KCNK2: variants seen among roughly 807,000 people sequenced by gnomAD.
The protein encoded by KCNK2 is potassium two pore domain channel subfamily K member 2, also known as potassium channel subfamily K member 2.
Under a neutral mutation model 40.5 loss-of-function variants are expected in KCNK2, and 21 were observed. The ratio of observed to expected loss-of-function variants is 0.52; its 90% CI spans 0.37 to 0.75. The LOEUF is 0.75. KCNK2 is among the 30% of genes least tolerant of loss of function. The pLI is 0.00. For missense variants in KCNK2, 399 were observed against 531.6 expected, an observed-to-expected ratio of 0.75 and a Z score of 2.45; for synonymous variants, 191 against 202.2, an observed-to-expected ratio of 0.94 and a Z score of 0.47.
intron 5 of KCNK2, among the ~76,000 whole-genome samples, chr1:215,189,348 C>T (rs1664571553): frequency 6.6e-6 from 1 of 152,138 alleles, no homozygotes; most frequent in African/African-American, 2.4e-5. Flanking sequence ...AATTGTACTA[C>T]ATTCCGTGAA....
At chr1:215,223,851 T>C (rs1400677571) in intron 6 of KCNK2, among the ~76,000 whole-genome samples, 1 of 151,926 alleles carries the variant, frequency 6.6e-6, no homozygotes, top group Non-Finnish European at 1.5e-5. Flanking sequence ...ATTTCAAAGC[T>C]CACAGGTAGT....
intron 1 of KCNK2, among the ~76,000 whole-genome samples, chr1:215,047,928 T>G (rs538435117): frequency 6.6e-6 from 1 of 152,216 alleles, no homozygotes; most frequent in Non-Finnish European, 1.5e-5. Flanking sequence ...AGTCAATGTG[T>G]GTAGATGAAA....
intron 3 of KCNK2, among the ~76,000 whole-genome samples, chr1:215,156,496 A>G (rs1662933254): frequency 6.6e-6 from 1 of 152,180 alleles, no homozygotes; most frequent in Non-Finnish European, 1.5e-5. Flanking sequence ...TTGACTCTGT[A>G]ATGTGTTGGT....
intron 1 of KCNK2, among the ~76,000 whole-genome samples, chr1:215,015,693 T>G (rs1020820251): frequency 6.6e-6 from 1 of 152,158 alleles, no homozygotes; most frequent in African/African-American, 2.4e-5. Context: ...CACTTGTAGA[T>G]TCTTTGTTGT....
chr1:215,172,211 T>A, intron 5 of KCNK2, 28 bp downstream of exon 5: 2 of 1,578,842 alleles, frequency 1.3e-6, no homozygotes, highest in Non-Finnish European at 1.7e-6. Flanking sequence ...TCCATGTTAC[T>A]CTTCTAACAG....
chr1:215,010,685 A>G (rs1305285105), intron 1 of KCNK2, among the ~76,000 whole-genome samples: 1 of 152,164 alleles, frequency 6.6e-6, no homozygotes, highest in East Asian at 1.9e-4. Flanking sequence ...TGCAATGTGT[A>G]AAAAGCAACC....
intron 1 of KCNK2, among the ~76,000 whole-genome samples, chr1:215,085,873 C>T (rs563146044): frequency 1.4e-4 from 22 of 152,228 alleles, no homozygotes; most frequent in Non-Finnish European, 4.4e-5. Context: ...TAATGCAATT[C>T]ATTTATTGTA....
At chr1:215,064,388 A>C (rs1238373612) in intron 1 of KCNK2, among the ~76,000 whole-genome samples, 1 of 151,990 alleles carries the variant, frequency 6.6e-6, no homozygotes, top group African/African-American at 2.4e-5. Context: ...ATCCAACCAA[A>C]AAAATTTAAA....
chr1:215,042,582 T>C (rs1209864262), intron 1 of KCNK2, among the ~76,000 whole-genome samples: 1 of 152,064 alleles, frequency 6.6e-6, no homozygotes, highest in Admixed American at 6.5e-5. Flanking sequence ...AGAATAAGAG[T>C]AGAAGAGTAG....
chr1:215,039,817 T>C (rs1657504799), intron 1 of KCNK2, among the ~76,000 whole-genome samples: 1 of 152,160 alleles, frequency 6.6e-6, no homozygotes, highest in South Asian at 2.1e-4. Flanking sequence ...CCTGGAGAAC[T>C]CATCTTCTCT....
chr1:215,083,207 CCCTCCCGCGT>C lies in KCNK2; in HGVS notation c.-176_-167del. 5 of 1,058,672 alleles carry C rather than the reference CCCTCCCGCGT, an allele frequency of 4.7e-6. No homozygotes were observed. The highest frequency in any genetic ancestry group is 6.3e-5 in the East Asian group (2 of 31,960). 65.6% of individuals were successfully genotyped at this position (1,058,672 alleles called of 1,614,324 possible). A position where few individuals can be genotyped will look rare whatever the true frequency, so the allele number is the denominator to read the frequency against. On this transcript the variant is annotated 5_prime_UTR_variant, in exon 1 of 7. Transcript: ENST00000444842. ...TTCTTCTCACGCTCCCCCCCCCGCC[CCCTCCCGCGT>C]CCAGCCCCGCTCTCCCCACCTTGTA...
chr1:215,076,397 T>C (rs1445425786), intron 1 of KCNK2, among the ~76,000 whole-genome samples: 4 of 152,188 alleles, frequency 2.6e-5, no homozygotes, highest in African/African-American at 9.7e-5. Context: ...GCTCAGGGTC[T>C]CTCAAATGGC....
chr1:215,139,938 A>C (rs1354399453), intron 3 of KCNK2, among the ~76,000 whole-genome samples: 1 of 152,152 alleles, frequency 6.6e-6, no homozygotes, highest in Admixed American at 6.6e-5. Flanking sequence ...ACTAGATAGG[A>C]CCATGTTTCT....
intron 1 of KCNK2, among the ~76,000 whole-genome samples, chr1:215,070,496 A>G (rs1658716051): frequency 6.6e-6 from 1 of 151,812 alleles, no homozygotes; most frequent in Non-Finnish European, 1.5e-5. Context: ...GGGAGGCCTC[A>G]CAATCATGGC....
At chr1:215,116,475 T>C (rs1484226248) in intron 2 of KCNK2, among the ~76,000 whole-genome samples, 4 of 152,076 alleles carry the variant, frequency 2.6e-5, no homozygotes, top group African/African-American at 9.7e-5. Flanking sequence ...TTCAATGATA[T>C]CTGCTCTCAA....
chr1:215,030,501 G>A (rs1657148649), intron 1 of KCNK2, among the ~76,000 whole-genome samples: 1 of 150,890 alleles, frequency 6.6e-6, no homozygotes, highest in Non-Finnish European at 1.5e-5. Context: ...CCTGCTCAGT[G>A]TTTTAATGAT....
chr1:215,034,206 A>G (rs1272431424), intron 1 of KCNK2, among the ~76,000 whole-genome samples: 1 of 152,178 alleles, frequency 6.6e-6, no homozygotes, highest in African/African-American at 2.4e-5. Context: ...CAAGTTTCTT[A>G]TGTGCCAAGA....
intron 6 of KCNK2, among the ~76,000 whole-genome samples, chr1:215,196,105 A>G (rs979500851): frequency 2.0e-5 from 3 of 147,094 alleles, no homozygotes; most frequent in African/African-American, 7.5e-5. Flanking sequence ...TTTTTTTGAG[A>G]TGAAGTCTCG....
intron 3 of KCNK2, among the ~76,000 whole-genome samples, chr1:215,162,500 C>T (rs1364770693): frequency 1.3e-5 from 2 of 152,178 alleles, no homozygotes; most frequent in African/African-American, 2.4e-5. Context: ...TTGCCCATGC[C>T]TATGTCCTGA....
Sources: gnomAD v4.1 joint callset for allele counts (sites outside exome capture counted in the v4.1 genomes callset) on GRCh38, gnomAD v4.1.1 for gene constraint, MANE v1.5 for transcripts, NCBI Gene and HGNC (gene_info 2026-07-23, HGNC 2026-07-21) for gene names.